Variants in SLX4IP observed in about 807,000 individuals in gnomAD.
SLX4IP encodes protein SLX4IP.
A neutral mutation model predicts 32.9 loss-of-function variants in SLX4IP; 34 were observed. That is an observed-to-expected ratio of 1.03 (90% confidence interval 0.79 to 1.38). The LOEUF (loss-of-function observed/expected upper bound fraction) is 1.38. Ranked by LOEUF, SLX4IP falls within the 40% of genes most tolerant of loss-of-function variation. The pLI, the probability that SLX4IP is intolerant of heterozygous loss-of-function variation, is 0.00. For synonymous variants in SLX4IP, 172 were observed against 171.7 expected (o/e 1.00, Z -0.01); for missense variants, 444 against 479.0 (o/e 0.93, Z 0.68).
intron 6 of SLX4IP, among the ~76,000 whole-genome samples, chr20:10,614,404 A>T (rs923524817): frequency 9.8e-5 from 15 of 152,308 alleles, no homozygotes; most frequent in African/African-American, 3.6e-4. Context: ...AGCTTCTGCC[A>T]TATGCTTCCA....
In SLX4IP at chr20:10,623,067, C is replaced by G. The variant is rs538348335; in HGVS notation, c.915C>G (p.Phe305Leu). The change falls in exon 8 of 8, where the codon TTC becomes TTG. Residue 305 changes from phenylalanine (F) to leucine (L), a missense_variant. Physicochemically the swap from Phe to Leu is conservative, Grantham distance 22. Coordinates refer to ENST00000334534, the MANE Select transcript of SLX4IP (RefSeq NM_001009608.3). The stretch of plus-strand genomic sequence containing the variant: ...GGAACTGCAGCTCTGCGGAAGACTT[C>G]GACCACCACGGGAGAGTTTCTCTTG... Reference protein sequence around the residue: ...KRRNCSSAEDFDHHGRVSLGS... With the variant: ...KRRNCSSAEDLDHHGRVSLGS... The G allele has an allele frequency of 5.6e-6, 9 of 1,614,084 alleles. No individual in the cohort carries two copies. The South Asian group carries it at 8.8e-5, about 16-fold the overall frequency.
chr20:10,616,793 G>A (rs1205542237), intron 6 of SLX4IP, among the ~76,000 whole-genome samples: 1 of 152,120 alleles, frequency 6.6e-6, no homozygotes, highest in Non-Finnish European at 1.5e-5. Flanking sequence ...CCCTTTAGAT[G>A]TTTATTTCTC....
chr20:10,617,361 C>A (rs1232601), intron 6 of SLX4IP, among the ~76,000 whole-genome samples: 41,268 of 152,108 alleles, frequency 0.27, 6,258 homozygotes, highest in Non-Finnish European at 0.34. Flanking sequence ...AAGGCTCCCT[C>A]TGTGCCTCTG....
intron 1 of SLX4IP, among the ~76,000 whole-genome samples, chr20:10,442,245 T>C (rs561240632): frequency 5.7e-4 from 87 of 152,356 alleles, no homozygotes; most frequent in African/African-American, 2.0e-3. Context: ...CAGAATAATC[T>C]AGAGGGTCAT....
intron 4 of SLX4IP, among the ~76,000 whole-genome samples, chr20:10,594,616 G>C (rs1416480564): frequency 6.6e-6 from 1 of 152,194 alleles, no homozygotes; most frequent in African/African-American, 2.4e-5. Flanking sequence ...TCTTGGGACT[G>C]TGAACTGTGA....
At chr20:10,506,629 G>A (rs1913861685) in intron 2 of SLX4IP, among the ~76,000 whole-genome samples, 1 of 152,176 alleles carries the variant, frequency 6.6e-6, no homozygotes, top group Non-Finnish European at 1.5e-5. Flanking sequence ...GCACTGTTGA[G>A]ACCCTTAGGA....
rs58348524 is a variant in SLX4IP, at chr20:10,463,327, G to A, written c.27+5096G>A. Among the ~76,000 whole-genome samples the A allele has an allele frequency of 4.6e-3, 697 of 152,300 alleles. 7 individuals are homozygous for A. The highest frequency in any genetic ancestry group is 0.016 in the African/African-American group (654 of 41,566). On this transcript the variant is annotated intron_variant, in intron 2 of 7. Transcript: ENST00000334534. The stretch of plus-strand genomic sequence containing the variant: ...TAGATAATTTCAGGGAATATGGAAG[G>A]CAATTGTGTTCCTCTTTGGGTATCC...
At chr20:10,444,362 G>A (rs1233468124) in intron 1 of SLX4IP, among the ~76,000 whole-genome samples, 1 of 152,086 alleles carries the variant, frequency 6.6e-6, no homozygotes, top group African/African-American at 2.4e-5. Context: ...CAGATTCACT[G>A]TCTGGTGAGG....
chr20:10,598,025 A>G (rs779036827), intron 4 of SLX4IP, among the ~76,000 whole-genome samples: 2 of 152,218 alleles, frequency 1.3e-5, no homozygotes, highest in South Asian at 2.1e-4. Flanking sequence ...GCTTCTTTTT[A>G]TGAGCTAATA....
intron 4 of SLX4IP, among the ~76,000 whole-genome samples, chr20:10,561,560 G>A (rs1601004381): frequency 8.4e-6 from 1 of 119,760 alleles, no homozygotes; most frequent in South Asian, 2.7e-4. Flanking sequence ...TTTTTTTTTG[G>A]TTATAGTAGT....
At chr20:10,613,156 T>C (rs1443133654) in intron 6 of SLX4IP, 1 of 468,328 alleles carries the variant, frequency 2.1e-6, no homozygotes, top group South Asian at 2.1e-5. Context: ...AGAAGATCCA[T>C]GGAGGCAAGT....
At chr20:10,557,118 A>G (rs922906266) in intron 3 of SLX4IP, among the ~76,000 whole-genome samples, 53 of 152,316 alleles carry the variant, frequency 3.5e-4, no homozygotes, top group African/African-American at 1.2e-3. Flanking sequence ...TCCATTTACC[A>G]CAGTTGCTTT....
chr20:10,580,308 C>T (rs1318489203), intron 4 of SLX4IP, among the ~76,000 whole-genome samples: 1 of 152,062 alleles, frequency 6.6e-6, no homozygotes, highest in African/African-American at 2.4e-5. Flanking sequence ...TCAGTCTACC[C>T]TACCAGGGTT....
chr20:10,614,211 CA>C (rs1458216673), intron 6 of SLX4IP: 1 of 668,482 alleles, frequency 1.5e-6, no homozygotes, highest in East Asian at 2.7e-5. Flanking sequence ...TTGAATGTAA[CA>C]GAATCAGAAG....
At chr20:10,571,412 C>CA (rs2066464242) in intron 4 of SLX4IP, among the ~76,000 whole-genome samples, 1 of 152,164 alleles carries the variant, frequency 6.6e-6, no homozygotes, top group Admixed American at 6.5e-5. Flanking sequence ...ATCAGCTTGT[C>CA]ACTCTCCCCT....
rs761985617 is a variant in SLX4IP, at chr20:10,623,111, C to T, written c.959C>T (p.Pro320Leu). The part of the protein sequence containing the change: ...RVSLGSDRLV[P>L]REIIVEKSKA... ...TCTCTTGGAAGTGATCGATTAGTCC[C>T]GAGAGAAATAATAGTGGAAAAAAGC... The change falls in exon 8 of 8, where the codon CCG (proline) becomes CTG (leucine). Residue 320 changes from proline (P) to leucine (L), a missense_variant. Pro to Leu is a moderately conservative substitution (Grantham distance 98, BLOSUM62 -3). Transcript: ENST00000334534. 45 of 1,613,966 alleles carry T rather than the reference C, an allele frequency of 2.8e-5. No individual in the cohort carries two copies. The South Asian group carries it at 4.5e-4, about 16-fold the overall frequency.
At chr20:10,453,838 A>G (rs1052719970) in intron 1 of SLX4IP, among the ~76,000 whole-genome samples, 2 of 151,894 alleles carry the variant, frequency 1.3e-5, no homozygotes, top group East Asian at 1.9e-4. Flanking sequence ...TTGACCTCCT[A>G]TATTGGTCTT....
rs113716858 is a variant in SLX4IP, at chr20:10,556,195, C to T, written c.28-36C>T. The T allele has an allele frequency of 2.5e-5, 39 of 1,578,828 alleles. No individual in the cohort carries two copies. In the East Asian group the frequency reaches 3.4e-4, roughly 14 times the overall value. ...CTCTCATTGTTTGCTGGGCATGAGC[C>T]GCACAGACACTGACTCTGCCATTAA... On this transcript the variant is annotated intron_variant, in intron 2 of 7. Coordinates refer to ENST00000334534, the MANE Select transcript of SLX4IP (RefSeq NM_001009608.3).
At chr20:10,617,022 A>T (rs1242660021) in intron 6 of SLX4IP, among the ~76,000 whole-genome samples, 1 of 152,210 alleles carries the variant, frequency 6.6e-6, no homozygotes, top group South Asian at 2.1e-4. Context: ...TCTGCTGGGT[A>T]TCAGAATCAC....
Sources: allele counts gnomAD v4.1 joint callset (sites outside exome capture counted in the v4.1 genomes callset), GRCh38; gene constraint gnomAD v4.1.1; transcripts MANE v1.5; gene names NCBI Gene and HGNC (gene_info 2026-07-23, HGNC 2026-07-21).